The following CCDC141 variants were observed in gnomAD, a reference collection of about 807,000 sequenced individuals.
CCDC141 encodes coiled-coil domain-containing protein 141.
CCDC141 carries 168 observed loss-of-function variants against 181.0 expected under a neutral mutation model. The ratio of observed to expected loss-of-function variants is 0.93; its 90% confidence interval spans 0.82 to 1.05. The LOEUF (loss-of-function observed/expected upper bound fraction) is 1.05. CCDC141 is among the 50% of genes least tolerant of loss of function. CCDC141 has a pLI of 0.00. For synonymous variants in CCDC141, 666 were observed against 642.3 expected, an observed-to-expected ratio of 1.04 and a Z score of -0.56; for missense variants, 1,902 against 1,788.5, an observed-to-expected ratio of 1.06 and a Z score of -1.14.
chr2:178,998,339 A>G (rs1692381701), intron 2 of CCDC141, among the ~76,000 whole-genome samples: 2 of 152,214 alleles, frequency 1.3e-5, no homozygotes, highest in African/African-American at 2.4e-5. Context: ...GTTATTAATG[A>G]ATGTATTCAC....
intron 2 of CCDC141, among the ~76,000 whole-genome samples, chr2:179,005,531 A>T (rs1422754026): frequency 6.6e-6 from 1 of 152,188 alleles, no homozygotes; most frequent in Non-Finnish European, 1.5e-5. Context: ...ATTATAAACA[A>T]TCTTTTTACC....
chr2:178,877,935 A>C (rs1338634845), intron 12 of CCDC141, 29 bp downstream of exon 12: 1 of 1,577,574 alleles, frequency 6.3e-7, no homozygotes, highest in Non-Finnish European at 8.7e-7. Context: ...TCCCTGCAGA[A>C]GGTGTGATCC....
At chr2:178,959,738 A>G (rs1426261488) in intron 5 of CCDC141, among the ~76,000 whole-genome samples, 1 of 152,210 alleles carries the variant, frequency 6.6e-6, no homozygotes, top group Non-Finnish European at 1.5e-5. Flanking sequence ...TAGAAAGTGT[A>G]TGGTGACTTA....
intron 4 of CCDC141, 69 bp from the exon 5 acceptor site, chr2:178,961,552 C>T (rs1055350112): frequency 1.1e-5 from 13 of 1,151,542 alleles, no homozygotes; most frequent in Non-Finnish European, 1.4e-5. Flanking sequence ...TATTCAGACT[C>T]TTCATAATTT....
At chr2:178,834,476 C>T (rs754761093) in intron 23 of CCDC141, 36 bp from the exon 24 acceptor site, 3 of 1,530,284 alleles carry the variant, frequency 2.0e-6, no homozygotes, top group East Asian at 2.5e-5. Flanking sequence ...GTCAGGATTG[C>T]TGTTTATTCA....
At chr2:179,024,481 A>G (rs965549927) in intron 2 of CCDC141, among the ~76,000 whole-genome samples, 1 of 152,222 alleles carries the variant, frequency 6.6e-6, no homozygotes. Context: ...GGATAGAAAT[A>G]TGTCCACAAT....
intron 20 of CCDC141, among the ~76,000 whole-genome samples, chr2:178,851,007 A>G (rs1422527465): frequency 6.6e-6 from 1 of 152,144 alleles, no homozygotes; most frequent in Non-Finnish European, 1.5e-5. Flanking sequence ...GGAGTTCGAG[A>G]CCAGCCTGAC....
chr2:178,977,468 A>G (rs1691170382), intron 3 of CCDC141, among the ~76,000 whole-genome samples: 1 of 152,168 alleles, frequency 6.6e-6, no homozygotes, highest in Non-Finnish European at 1.5e-5. Flanking sequence ...TCAGGGAAGA[A>G]AGATGGTGTA....
chr2:178,968,595 G>A (rs1690739191), intron 4 of CCDC141, among the ~76,000 whole-genome samples: 1 of 152,112 alleles, frequency 6.6e-6, no homozygotes, highest in Non-Finnish European at 1.5e-5. Flanking sequence ...GCAGTGAGTA[G>A]AGGGAAATTT....
intron 6 of CCDC141, among the ~76,000 whole-genome samples, chr2:178,938,364 T>C (rs1056256625): frequency 1.3e-5 from 2 of 152,166 alleles, no homozygotes; most frequent in Admixed American, 1.3e-4. Context: ...CAAAAGTCAC[T>C]CAGGAGCATG....
chr2:178,977,204 C>T (rs549521866), intron 3 of CCDC141, among the ~76,000 whole-genome samples: 11 of 152,170 alleles, frequency 7.2e-5, no homozygotes, highest in African/African-American at 2.6e-4. Context: ...TATGGTTTGG[C>T]CTACTATTTC....
intron 2 of CCDC141, among the ~76,000 whole-genome samples, chr2:178,987,979 A>G (rs1223206994): frequency 2.6e-5 from 4 of 151,562 alleles, no homozygotes; most frequent in Admixed American, 2.0e-4. Context: ...GTATATACCC[A>G]AAGGACTATA....
At chr2:178,884,067 G>A (rs545364743) in intron 11 of CCDC141, among the ~76,000 whole-genome samples, 1 of 152,046 alleles carries the variant, frequency 6.6e-6, no homozygotes, top group South Asian at 2.1e-4. Context: ...AAATAATTTT[G>A]TTGTATGTTT....
At position 178,961,277 on chromosome 2, in the gene CCDC141, A is replaced by G. The variant is rs2154378961; in HGVS notation, c.733T>C (p.Leu245=). Residue 245 remains leucine, a synonymous_variant, in exon 5 of 24, where the codon TTG becomes CTG. Coordinates refer to ENST00000443758, the MANE Select transcript of CCDC141 (RefSeq NM_173648.4). The part of the protein sequence containing the change: ...DKYLKQQWQE[L]SQVLQICQWD... ...TGACATATCTGCAGAACTTGACTCA[A>G]TTCTTGCCACTGTTGCTTCAAGTAC... is the stretch of plus-strand genomic sequence containing the variant. 3.2e-6 allele frequency: 5 copies of G among 1,550,428 alleles called. No homozygotes were observed. Among genetic ancestry groups the G allele is most frequent in the Non-Finnish European group, 4.4e-6 (5 of 1,146,896 alleles).
At chr2:178,984,579 T>G (rs1402255629) in intron 2 of CCDC141, among the ~76,000 whole-genome samples, 2 of 149,742 alleles carry the variant, frequency 1.3e-5, no homozygotes, top group African/African-American at 4.9e-5. Flanking sequence ...CCATCTCACG[T>G]GCAGAGACAC....
chr2:178,946,050 T>C (rs1276387255), intron 5 of CCDC141, among the ~76,000 whole-genome samples: 1 of 152,242 alleles, frequency 6.6e-6, no homozygotes, highest in Non-Finnish European at 1.5e-5. Context: ...TGGAAATGTC[T>C]TTGTTAACCA....
At chr2:178,943,694 G>A (rs771399085) in intron 6 of CCDC141, among the ~76,000 whole-genome samples, 4 of 151,888 alleles carry the variant, frequency 2.6e-5, no homozygotes, top group Non-Finnish European at 5.9e-5. Flanking sequence ...CTACTATGAC[G>A]GACTTCTGTT....
At chr2:179,049,218 A>G (rs980377968) in intron 1 of CCDC141, among the ~76,000 whole-genome samples, 1 of 152,176 alleles carries the variant, frequency 6.6e-6, no homozygotes, top group African/African-American at 2.4e-5. Flanking sequence ...AGTGGCTTCT[A>G]CTTCCTGCTG....
intron 2 of CCDC141, among the ~76,000 whole-genome samples, chr2:178,979,747 C>T (rs1262254382): frequency 6.6e-6 from 1 of 152,074 alleles, no homozygotes; most frequent in Non-Finnish European, 1.5e-5. Flanking sequence ...ATAAATAGTG[C>T]AATCCACAGT....
Sources: allele counts gnomAD v4.1 joint callset (sites outside exome capture counted in the v4.1 genomes callset), GRCh38; gene constraint gnomAD v4.1.1; transcripts MANE v1.5; gene names NCBI Gene and HGNC (gene_info 2026-07-23, HGNC 2026-07-21).